CSMD1: variants seen among roughly 807,000 people sequenced by gnomAD.
CSMD1 encodes CUB and sushi domain-containing protein 1.
CSMD1 carries 213 observed loss-of-function variants against 417.5 expected under a neutral mutation model. That is an observed-to-expected ratio of 0.51 (90% CI 0.46 to 0.57). The LOEUF (loss-of-function observed/expected upper bound fraction) is 0.57, where lower values mean the gene tolerates loss of function less well. CSMD1 is among the 20% of genes least tolerant of loss of function. CSMD1 has a pLI of 0.00. For missense variants in CSMD1, 6,923 were observed against 4,529.7 expected (o/e 1.53, Z -15.17); for synonymous variants, 2,862 against 1,736.8 (o/e 1.65, Z -16.11).
At chr8:4,024,655 C>T (rs1026134458) in intron 4 of CSMD1, among the ~76,000 whole-genome samples, 2 of 152,110 alleles carry the variant, frequency 1.3e-5, no homozygotes, top group Non-Finnish European at 2.9e-5. Context: ...TGGGCCTCAG[C>T]ATATTGCCAA....
chr8:3,252,068 G>C (rs1370627094), intron 26 of CSMD1, among the ~76,000 whole-genome samples: 2 of 152,022 alleles, frequency 1.3e-5, no homozygotes, highest in Non-Finnish European at 1.5e-5. Context: ...CCTTCTGCCT[G>C]ATTGCCCTGG....
intron 3 of CSMD1, among the ~76,000 whole-genome samples, chr8:4,288,998 A>G (rs74739941): frequency 6.6e-5 from 10 of 152,308 alleles, no homozygotes; most frequent in African/African-American, 2.4e-4. Flanking sequence ...TTAAAAACAC[A>G]GCACCATCTT....
intron 23 of CSMD1, among the ~76,000 whole-genome samples, chr8:3,319,005 G>T (rs893174642): frequency 1.3e-5 from 2 of 152,136 alleles, no homozygotes; most frequent in African/African-American, 4.8e-5. Flanking sequence ...CAACAACACA[G>T]ATTCAGCCAT....
At chr8:4,485,883 A>G (rs1585151764) in intron 2 of CSMD1, among the ~76,000 whole-genome samples, 1 of 152,030 alleles carries the variant, frequency 6.6e-6, no homozygotes, top group East Asian at 1.9e-4. Context: ...CACTCTGACC[A>G]GGGAGTAAGA....
chr8:3,697,062 A>T (rs1563283189), intron 7 of CSMD1, among the ~76,000 whole-genome samples: 1 of 152,202 alleles, frequency 6.6e-6, no homozygotes. Flanking sequence ...ACAAGGTAGC[A>T]GCTTCTCCTG....
intron 15 of CSMD1, among the ~76,000 whole-genome samples, chr8:3,402,910 T>C (rs182208187): frequency 3.3e-4 from 50 of 152,052 alleles, no homozygotes; most frequent in African/African-American, 9.4e-4. Flanking sequence ...GACTTAAAGA[T>C]AGACATTTTC....
intron 1 of CSMD1, among the ~76,000 whole-genome samples, chr8:4,766,240 G>C (rs549553274): frequency 2.0e-5 from 3 of 152,164 alleles, no homozygotes; most frequent in Non-Finnish European, 4.4e-5. Context: ...CAAGTGGAAT[G>C]AGGTATGGAG....
At chr8:4,510,728 GCCT>G (rs1294518512) in intron 2 of CSMD1, among the ~76,000 whole-genome samples, 1 of 80,338 alleles carries the variant, frequency 1.2e-5, no homozygotes, top group Non-Finnish European at 2.4e-5. Flanking sequence ...TCCCTTCCTT[GCCT>G]CCTCTCTTCC....
At chr8:3,838,102 T>C (rs1802824646) in intron 5 of CSMD1, among the ~76,000 whole-genome samples, 1 of 152,120 alleles carries the variant, frequency 6.6e-6, no homozygotes, top group Non-Finnish European at 1.5e-5. Context: ...GAAACTGGAA[T>C]TTCTAACTTG....
At chr8:4,692,561 G>A (rs1455694887) in intron 1 of CSMD1, among the ~76,000 whole-genome samples, 1 of 152,150 alleles carries the variant, frequency 6.6e-6, no homozygotes, top group Admixed American at 6.5e-5. Context: ...AGAGGGCCGG[G>A]AAGACTGTGA....
rs138288570 is a variant in CSMD1 at position 4,126,803 on chromosome 8, G to A, written c.416-94704C>T. Among the ~76,000 whole-genome samples, 382 of 152,256 alleles carry A rather than the reference G, an allele frequency of 2.5e-3. 4 individuals are homozygous for A. Among genetic ancestry groups the A allele is most frequent in the African/African-American group, 8.7e-3 (362 of 41,540 alleles). On this transcript the variant is annotated intron_variant, in intron 3 of 69. Transcript: ENST00000635120. ...AGGCAACACTTCATTCTGGAGATGT[G>A]TCCTAACCTGGGGTAGGAGATGTCC...
At chr8:3,133,454 G>A (rs1315492857) in intron 41 of CSMD1, among the ~76,000 whole-genome samples, 1 of 152,144 alleles carries the variant, frequency 6.6e-6, no homozygotes, top group Non-Finnish European at 1.5e-5. Flanking sequence ...GGGGTGCCTT[G>A]GCCTCAGGGG....
intron 3 of CSMD1, among the ~76,000 whole-genome samples, chr8:4,071,540 G>A (rs1246422707): frequency 6.6e-6 from 1 of 152,002 alleles, no homozygotes; most frequent in Non-Finnish European, 1.5e-5. Flanking sequence ...AATAACAGCT[G>A]CATTAAAATC....
intron 3 of CSMD1, among the ~76,000 whole-genome samples, chr8:4,363,716 T>A (rs1411433460): frequency 6.6e-6 from 1 of 152,206 alleles, no homozygotes; most frequent in Admixed American, 6.5e-5. Flanking sequence ...AAGTGACTTC[T>A]AGTTCCACCC....
At chr8:4,642,827 G>C (rs1219529941) in intron 1 of CSMD1, among the ~76,000 whole-genome samples, 2 of 152,186 alleles carry the variant, frequency 1.3e-5, no homozygotes, top group African/African-American at 4.8e-5. Context: ...CAAATGTTTG[G>C]ACATCAAAGA....
At chr8:4,215,705 A>G (rs1800626201) in intron 3 of CSMD1, among the ~76,000 whole-genome samples, 2 of 152,198 alleles carry the variant, frequency 1.3e-5, no homozygotes, top group Non-Finnish European at 2.9e-5. Flanking sequence ...CAGATTCTTT[A>G]AAACTCAAAT....
At chr8:4,193,365 T>G (rs1349210942) in intron 3 of CSMD1, among the ~76,000 whole-genome samples, 3 of 152,218 alleles carry the variant, frequency 2.0e-5, no homozygotes, top group Non-Finnish European at 4.4e-5. Flanking sequence ...TACTGCCAGT[T>G]TAAATGTACT....
chr8:3,508,340 C>T (rs1563105463), intron 10 of CSMD1, among the ~76,000 whole-genome samples: 2 of 149,130 alleles, frequency 1.3e-5, no homozygotes, highest in African/African-American at 5.0e-5. Context: ...GGGAACATCA[C>T]ACACGGGGGC....
At chr8:3,269,463 C>T (rs1801676801) in intron 26 of CSMD1, among the ~76,000 whole-genome samples, 1 of 152,230 alleles carries the variant, frequency 6.6e-6, no homozygotes. Context: ...AAAGGCCTCT[C>T]CTGTAATAAA....
Sources: gnomAD v4.1 joint callset for allele counts (sites outside exome capture counted in the v4.1 genomes callset) on GRCh38, gnomAD v4.1.1 for gene constraint, MANE v1.5 for transcripts, NCBI Gene and HGNC (gene_info 2026-07-23, HGNC 2026-07-21) for gene names.